ODAD2: variants seen among roughly 807,000 people sequenced by gnomAD.
ODAD2 encodes the protein outer dynein arm docking complex subunit 2, also known as outer dynein arm-docking complex subunit 2.
In ODAD2, 89 loss-of-function variants were observed where a neutral mutation model predicts 106.8. That is an observed-to-expected ratio of 0.83 (90% CI 0.70 to 0.99). ODAD2 has a LOEUF of 0.99. ODAD2 is among the 50% of genes least tolerant of loss of function. The probability of loss-of-function intolerance (pLI) is 0.00; values close to 1 mark genes in which losing one functional copy is unlikely to be tolerated. For synonymous variants in ODAD2, 404 were observed against 436.2 expected (o/e 0.93, Z 0.92); for missense variants, 1,168 against 1,238.5 (o/e 0.94, Z 0.85).
chr10:27,983,424 T>A (rs529739208), intron 6 of ODAD2, among the ~76,000 whole-genome samples: 69 of 152,282 alleles, frequency 4.5e-4, no homozygotes, highest in African/African-American at 1.6e-3. Context: ...TAGGGCACTG[T>A]CTCCTACCTT....
At chr10:27,853,949 T>G (rs1839473355) in intron 19 of ODAD2, among the ~76,000 whole-genome samples, 2 of 152,066 alleles carry the variant, frequency 1.3e-5, no homozygotes, top group African/African-American at 4.8e-5. Flanking sequence ...GTTAAGAGAA[T>G]GAAAGACTAG....
intron 17 of ODAD2, among the ~76,000 whole-genome samples, chr10:27,882,221 G>GAAAGAAAGAAAGAAAGAAAGA (rs1331998806): frequency 6.6e-6 from 1 of 150,846 alleles, no homozygotes; most frequent in African/African-American, 2.5e-5. Flanking sequence ...AAGAAAGAAA[G>GAAAGAAAGAAAGAAAGAAAGA]AAAGAAAGAA....
intron 17 of ODAD2, among the ~76,000 whole-genome samples, chr10:27,887,488 C>T (rs181139135): frequency 6.6e-6 from 1 of 152,090 alleles, no homozygotes; most frequent in East Asian, 1.9e-4. Flanking sequence ...ACCTAATGGA[C>T]ACATACAAAA....
chr10:27,994,876 T>G, intron 2 of ODAD2, 43 bp downstream of exon 2: 1 of 1,603,380 alleles, frequency 6.2e-7, no homozygotes, highest in Non-Finnish European at 8.5e-7. Context: ...TAATACTATG[T>G]ACAACGAAGA....
intron 7 of ODAD2, among the ~76,000 whole-genome samples, chr10:27,976,292 G>A (rs1462278756): frequency 6.6e-6 from 1 of 152,038 alleles, no homozygotes; most frequent in Non-Finnish European, 1.5e-5. Flanking sequence ...GGAAGGAACA[G>A]TTAAATTAGG....
intron 16 of ODAD2, among the ~76,000 whole-genome samples, chr10:27,911,745 C>T (rs1018143952): frequency 1.3e-5 from 2 of 152,180 alleles, no homozygotes; most frequent in African/African-American, 4.8e-5. Context: ...ATTTTGCACT[C>T]CCTTTTCCTG....
intron 10 of ODAD2, among the ~76,000 whole-genome samples, chr10:27,956,089 G>T (rs74127165): frequency 0.031 from 4,680 of 152,184 alleles, 250 homozygotes; most frequent in African/African-American, 0.11. Flanking sequence ...AGTGTTTGAT[G>T]AATTTGATGA....
Position 27,994,857 on chromosome 10 carries a change from A to C in ODAD2, c.224+62T>G, listed in dbSNP as rs550489243. 9.6e-6 allele frequency: 15 copies of C among 1,564,096 alleles called. No individual in the cohort carries two copies. The South Asian group carries it at 1.3e-4, about 14-fold the overall frequency. On this transcript the variant is annotated intron_variant, in intron 2 of 19. Transcript: ENST00000305242. ...TAGGTGACTTGCCCCCAAACCTAGA[A>C]CCAATTGATAATACTATGTACAACG...
chr10:27,827,510 T>TGTGGGGGG (rs1837163469), intron 19 of ODAD2, among the ~76,000 whole-genome samples: 3 of 151,864 alleles, frequency 2.0e-5, no homozygotes, highest in African/African-American at 7.3e-5. Context: ...CTCTCCTCCT[T>TGTGGGGGG]AAATCCTGCT....
Position 27,854,216 on chromosome 10 carries a change from G to T in ODAD2, c.3021+6409C>A, listed in dbSNP as rs111844406. Among the ~76,000 whole-genome samples the T allele has an allele frequency of 1.4e-3, 212 of 152,160 alleles. 1 individual carries two copies. Among genetic ancestry groups the T allele is most frequent in the African/African-American group, 5.0e-3 (206 of 41,528 alleles). ...AGAATGTCTAAAATCAAAAAGACTG[G>T]CCATACCAAGTGTTGGCAAGGATGC... On this transcript the variant is annotated intron_variant, in intron 19 of 19. Transcript: ENST00000305242.
intron 19 of ODAD2, among the ~76,000 whole-genome samples, chr10:27,832,446 TTC>T (rs1160669351): frequency 1.3e-5 from 2 of 152,130 alleles, no homozygotes; most frequent in African/African-American, 4.8e-5. Flanking sequence ...GCTGACTACT[TTC>T]TCTCTTGTCC....
At chr10:27,960,471 C>T (rs1382850630) in intron 10 of ODAD2, among the ~76,000 whole-genome samples, 13 of 151,510 alleles carry the variant, frequency 8.6e-5, no homozygotes, top group African/African-American at 2.2e-4. Flanking sequence ...CTCAGCATCC[C>T]GAGTAGCTGG....
intron 8 of ODAD2, among the ~76,000 whole-genome samples, chr10:27,970,408 C>A (rs1460958886): frequency 6.6e-6 from 1 of 152,132 alleles, no homozygotes; most frequent in Non-Finnish European, 1.5e-5. Context: ...CACATTCTCC[C>A]AGTGCTTACT....
intron 17 of ODAD2, among the ~76,000 whole-genome samples, chr10:27,896,791 C>T (rs1842890000): frequency 6.6e-6 from 1 of 152,142 alleles, no homozygotes; most frequent in Non-Finnish European, 1.5e-5. Context: ...GATACATGCA[C>T]AAAATCACAC....
Position 27,812,261 on chromosome 10 carries a change from T to C in ODAD2, c.*251A>G, listed in dbSNP as rs767354789. 6 of 475,676 alleles carry C rather than the reference T, an allele frequency of 1.3e-5. No individual in the cohort carries two copies. Among genetic ancestry groups the C allele is most frequent in the African/African-American group, 2.1e-5 (1 of 48,666 alleles). 29.5% of individuals were successfully genotyped at this position (475,676 alleles called of 1,614,324 possible). ...TCATATACGTATATTCTCATATTCT[T>C]AGAAACTTATCACAGGTTTATTGGC... On this transcript the variant is annotated 3_prime_UTR_variant, in exon 20 of 20. Transcript: ENST00000305242.
chr10:27,820,777 C>CTTTTTTTTTTTT (rs72095120), intron 19 of ODAD2, among the ~76,000 whole-genome samples: 45 of 105,544 alleles, frequency 4.3e-4, no homozygotes, highest in African/African-American at 1.6e-3. Context: ...AGCCCAGCAA[C>CTTTTTTTTTTTT]TTTTTTTTTT....
At chr10:27,857,727 C>T (rs1387340411) in intron 19 of ODAD2, among the ~76,000 whole-genome samples, 1 of 152,218 alleles carries the variant, frequency 6.6e-6, no homozygotes, top group African/African-American at 2.4e-5. Flanking sequence ...GAGACAGATA[C>T]ACCGCATTAC....
At chr10:27,982,586 A>G (rs1849624534) in intron 6 of ODAD2, among the ~76,000 whole-genome samples, 1 of 152,192 alleles carries the variant, frequency 6.6e-6, no homozygotes, top group Admixed American at 6.5e-5. Context: ...TAATAAGAAA[A>G]GCACCAAAAG....
intron 19 of ODAD2, among the ~76,000 whole-genome samples, chr10:27,814,535 G>A (rs553270650): frequency 1.3e-5 from 2 of 152,162 alleles, no homozygotes; most frequent in East Asian, 1.9e-4. Flanking sequence ...GTTACATCTG[G>A]GCCCTGATTT....
Sources: allele counts gnomAD v4.1 joint callset (sites outside exome capture counted in the v4.1 genomes callset), GRCh38; gene constraint gnomAD v4.1.1; transcripts MANE v1.5; gene names NCBI Gene and HGNC (gene_info 2026-07-23, HGNC 2026-07-21).